COL8A1: variants seen among roughly 807,000 people sequenced by gnomAD.
COL8A1 encodes the protein collagen type VIII alpha 1 chain, also known as collagen alpha-1(VIII) chain.
A neutral mutation model predicts 42.7 loss-of-function variants in COL8A1; 21 were observed. That is an observed-to-expected ratio of 0.49 (90% CI 0.35 to 0.71). The LOEUF (loss-of-function observed/expected upper bound fraction) is 0.71, where lower values mean the gene tolerates loss of function less well. Ranked by LOEUF, COL8A1 falls within the 30% of genes least tolerant of loss-of-function variation. The pLI is 0.01. For missense variants in COL8A1, 788 were observed against 962.4 expected, an observed-to-expected ratio of 0.82 and a Z score of 2.40; for synonymous variants, 367 against 369.1, an observed-to-expected ratio of 0.99 and a Z score of 0.06.
At chr3:99,693,853 A>G (rs1196880860) in intron 1 of COL8A1, among the ~76,000 whole-genome samples, 2 of 152,220 alleles carry the variant, frequency 1.3e-5, no homozygotes, top group Non-Finnish European at 2.9e-5. Flanking sequence ...ACTCACCCAG[A>G]GCAACTTCAA....
intron 2 of COL8A1, among the ~76,000 whole-genome samples, chr3:99,765,346 C>T (rs910478046): frequency 2.6e-5 from 4 of 152,102 alleles, no homozygotes; most frequent in Non-Finnish European, 4.4e-5. Flanking sequence ...CAATCCCCAG[C>T]CAACATCCCA....
At chr3:99,648,617 A>C (rs772943224) in intron 1 of COL8A1, among the ~76,000 whole-genome samples, 7 of 152,210 alleles carry the variant, frequency 4.6e-5, no homozygotes, top group South Asian at 4.1e-4. Context: ...AAGTTAGTCC[A>C]TAAACTCTCC....
chr3:99,730,774 G>A (rs1435907713), intron 1 of COL8A1, among the ~76,000 whole-genome samples: 1 of 152,096 alleles, frequency 6.6e-6, no homozygotes, highest in Non-Finnish European at 1.5e-5. Context: ...ATACTGATTT[G>A]ACAAAAGAGC....
chr3:99,747,364 C>A (rs537365365), intron 2 of COL8A1, among the ~76,000 whole-genome samples: 12 of 152,284 alleles, frequency 7.9e-5, no homozygotes, highest in Admixed American at 2.6e-4. Context: ...ATGGGTTGAA[C>A]TGAATTATTC....
chr3:99,711,366 A>G (rs190812293), intron 1 of COL8A1, among the ~76,000 whole-genome samples: 5 of 152,312 alleles, frequency 3.3e-5, no homozygotes, highest in African/African-American at 1.2e-4. Context: ...AACAAATGTA[A>G]TAGTCACCAT....
At chr3:99,707,693 A>G (rs1474104343) in intron 1 of COL8A1, among the ~76,000 whole-genome samples, 2 of 152,230 alleles carry the variant, frequency 1.3e-5, no homozygotes, top group Non-Finnish European at 2.9e-5. Context: ...AAAACTGCAG[A>G]AAGTGCCATC....
At chr3:99,669,115 T>C (rs1219394855) in intron 1 of COL8A1, among the ~76,000 whole-genome samples, 1 of 121,886 alleles carries the variant, frequency 8.2e-6, no homozygotes, top group Non-Finnish European at 1.6e-5. Flanking sequence ...GACCTTGTCT[T>C]AAAAAAATTA....
chr3:99,661,705 A>C (rs1202421056), intron 1 of COL8A1, among the ~76,000 whole-genome samples: 2 of 152,242 alleles, frequency 1.3e-5, no homozygotes, highest in Non-Finnish European at 2.9e-5. Flanking sequence ...AGTAGCCAAA[A>C]GGTAGAAGCA....
intron 1 of COL8A1, among the ~76,000 whole-genome samples, chr3:99,670,371 T>G (rs1264016987): frequency 1.3e-5 from 2 of 152,034 alleles, no homozygotes; most frequent in African/African-American, 4.8e-5. Flanking sequence ...ATAGTCAAAT[T>G]TAGTCATCCT....
At chr3:99,652,353 C>T (rs191083023) in intron 1 of COL8A1, among the ~76,000 whole-genome samples, 134 of 152,288 alleles carry the variant, frequency 8.8e-4, no homozygotes, top group African/African-American at 2.7e-3. Flanking sequence ...CAGTTTGCTA[C>T]ATTTATTTTA....
chr3:99,763,533 C>T (rs144221659), intron 2 of COL8A1, among the ~76,000 whole-genome samples: 1,997 of 152,076 alleles, frequency 0.013, 14 homozygotes, highest in Non-Finnish European at 0.02. Context: ...CATGCATATA[C>T]TTATTTAATC....
chr3:99,700,442 C>T (rs1327771627), intron 1 of COL8A1, among the ~76,000 whole-genome samples: 4 of 152,108 alleles, frequency 2.6e-5, no homozygotes, highest in African/African-American at 7.2e-5. Flanking sequence ...AGACATGCAC[C>T]CTCACGCTCT....
chr3:99,772,451 C>A (rs941651780), intron 2 of COL8A1, among the ~76,000 whole-genome samples: 2 of 151,932 alleles, frequency 1.3e-5, no homozygotes, highest in African/African-American at 4.8e-5. Context: ...GTAAAATGGA[C>A]TTTGGGTGAT....
At chr3:99,743,002 A>G (rs1940936763) in intron 1 of COL8A1, among the ~76,000 whole-genome samples, 1 of 152,230 alleles carries the variant, frequency 6.6e-6, no homozygotes, top group African/African-American at 2.4e-5. Flanking sequence ...CCCCAACACT[A>G]AGCATTATAC....
intron 2 of COL8A1, among the ~76,000 whole-genome samples, chr3:99,769,494 C>T (rs1051456307): frequency 1.2e-4 from 18 of 152,248 alleles, no homozygotes; most frequent in African/African-American, 4.1e-4. Context: ...GCTGGTGAGA[C>T]AGTGTCCTGT....
At chr3:99,707,777 A>T (rs1939722778) in intron 1 of COL8A1, among the ~76,000 whole-genome samples, 1 of 152,230 alleles carries the variant, frequency 6.6e-6, no homozygotes, top group African/African-American at 2.4e-5. Flanking sequence ...GTCTCTGTCC[A>T]TGTATATATG....
Position 99,651,503 on chromosome 3 carries a change from G to A in COL8A1, c.-129+12839G>A, listed in dbSNP as rs573336013. Among the ~76,000 whole-genome samples, 52 of 152,358 alleles carry A rather than the reference G, an allele frequency of 3.4e-4. 2 individuals carry two copies. In the South Asian group the frequency reaches 0.011, roughly 31 times the overall value. On this transcript the variant is annotated intron_variant, in intron 1 of 3. Coordinates refer to ENST00000652472, the MANE Select transcript of COL8A1 (RefSeq NM_020351.4). ...CTCCGCCAGCAGGTCAGCGGAGGTA[G>A]CATGTCTTGGAATTTGACAATGATG...
At chr3:99,662,407 G>A (rs942136125) in intron 1 of COL8A1, among the ~76,000 whole-genome samples, 2 of 151,264 alleles carry the variant, frequency 1.3e-5, no homozygotes, top group African/African-American at 2.4e-5. Context: ...ATACAATAAT[G>A]TTGTTAATTA....
At chr3:99,712,856 A>T (rs1185647469) in intron 1 of COL8A1, among the ~76,000 whole-genome samples, 1 of 152,136 alleles carries the variant, frequency 6.6e-6, no homozygotes, top group East Asian at 1.9e-4. Flanking sequence ...AAATTGAGCC[A>T]TAAAGGCAAC....
Sources: allele counts gnomAD v4.1 joint callset (sites outside exome capture counted in the v4.1 genomes callset), GRCh38; gene constraint gnomAD v4.1.1; transcripts MANE v1.5; gene names NCBI Gene and HGNC (gene_info 2026-07-23, HGNC 2026-07-21).